MTRES1: variants seen among roughly 807,000 people sequenced by gnomAD.
MTRES1 encodes the protein mitochondrial transcription rescue factor 1.
A neutral mutation model predicts 17.4 loss-of-function variants in MTRES1; 11 were observed. The ratio of observed to expected loss-of-function variants is 0.63; its 90% CI spans 0.40 to 1.05. The LOEUF (loss-of-function observed/expected upper bound fraction) is 1.05. Among genes scored for constraint, MTRES1 ranks in the 50% least tolerant of loss-of-function variants. The pLI, the probability that MTRES1 is intolerant of heterozygous loss-of-function variation, is 0.00. For missense variants in MTRES1, 268 were observed against 276.2 expected (o/e 0.97, Z 0.21); for synonymous variants, 94 against 99.6 (o/e 0.94, Z 0.34).
chr6:107,050,714 T>A (rs548611516), intron 3 of MTRES1, among the ~76,000 whole-genome samples: 1 of 152,132 alleles, frequency 6.6e-6, no homozygotes, highest in East Asian at 1.9e-4. Context: ...GTATTTGGGA[T>A]CACAGGCACC....
At chr6:107,047,141 T>G (rs1198263056) in intron 3 of MTRES1, among the ~76,000 whole-genome samples, 1 of 152,158 alleles carries the variant, frequency 6.6e-6, no homozygotes, top group Admixed American at 6.6e-5. Flanking sequence ...GCCTTCTCTA[T>G]CCAGAGGCAG....
At chr6:107,034,829 A>T (rs1387198231) in intron 1 of MTRES1, among the ~76,000 whole-genome samples, 1 of 152,078 alleles carries the variant, frequency 6.6e-6, no homozygotes, top group African/African-American at 2.4e-5. Flanking sequence ...CTCTACTAAA[A>T]ATACAAAATT....
At chr6:107,041,327 T>TC (rs1774207815) in intron 2 of MTRES1, among the ~76,000 whole-genome samples, 1 of 151,040 alleles carries the variant, frequency 6.6e-6, no homozygotes, top group Non-Finnish European at 1.5e-5. Context: ...TTTCTGACCC[T>TC]CAGTTTTCTC....
Position 107,044,328 on chromosome 6 carries a change from G to A in MTRES1, c.539G>A (p.Arg180Lys). 2 of 1,611,884 alleles carry A rather than the reference G, an allele frequency of 1.2e-6. No individual in the cohort carries two copies. Among genetic ancestry groups the A allele is most frequent in the South Asian group, 1.1e-5 (1 of 91,028 alleles). ...LNEEKLWKKS[R>K]TVKVGDTLDL... Reference sequence around the variant, plus strand: ...GAGGAAAAATTATGGAAGAAAAGCAGAACGGTGAGATACTAACCTAAAATG... The same window carrying A: ...GAGGAAAAATTATGGAAGAAAAGCAAAACGGTGAGATACTAACCTAAAATG... The change falls in exon 3 of 4, where the codon AGA (arginine) becomes AAA (lysine). Residue 180 changes from arginine to lysine, a missense_variant. Coordinates refer to ENST00000311381, the MANE Select transcript of MTRES1 (RefSeq NM_016487.5).
In MTRES1 at chr6:107,042,062, C is replaced by T. The variant is rs553325175; in HGVS notation, c.470+1832C>T. 2.6e-5 allele frequency among the ~76,000 whole-genome samples: 4 copies of T among 151,750 alleles called. No individual in the cohort carries two copies. In the East Asian group the frequency reaches 5.9e-4, roughly 22 times the overall value. On this transcript the variant is annotated intron_variant, in intron 2 of 3. Transcript: ENST00000311381. ...AGCTTAAGAGATTCATAAAAAGGGCCGGGTGTGGTGGCTCACGCCTGTAGT... is the reference window on the plus strand; with the variant it reads ...AGCTTAAGAGATTCATAAAAAGGGCTGGGTGTGGTGGCTCACGCCTGTAGT...
chr6:107,039,653 A>G (rs2114954826), intron 1 of MTRES1, 96 bp from the exon 2 acceptor site: 1 of 1,297,696 alleles, frequency 7.7e-7, no homozygotes, highest in Admixed American at 2.7e-5. Flanking sequence ...TACGTATAGT[A>G]CTGTACATAA....
intron 1 of MTRES1, among the ~76,000 whole-genome samples, chr6:107,038,571 G>C (rs1774085127): frequency 6.6e-6 from 1 of 152,174 alleles, no homozygotes; most frequent in Non-Finnish European, 1.5e-5. Flanking sequence ...TGTAAAAGGA[G>C]TTAAAATGCA....
At chr6:107,034,748 G>GA (rs1292151086) in intron 1 of MTRES1, among the ~76,000 whole-genome samples, 1 of 152,146 alleles carries the variant, frequency 6.6e-6, no homozygotes, top group African/African-American at 2.4e-5. Flanking sequence ...AGCACTTTGG[G>GA]AGGCCAAGGT....
At chr6:107,037,267 A>T (rs1774043539) in intron 1 of MTRES1, among the ~76,000 whole-genome samples, 1 of 152,020 alleles carries the variant, frequency 6.6e-6, no homozygotes, top group Non-Finnish European at 1.5e-5. Flanking sequence ...ATGGGGTTTC[A>T]CCATGTTGGC....
chr6:107,028,880 C>T, intron 1 of MTRES1: 3 of 985,312 alleles, frequency 3.0e-6, no homozygotes, highest in Non-Finnish European at 3.6e-6. Context: ...CTCCACTCAT[C>T]CCACACCAAC....
chr6:107,047,380 C>G (rs371489671), intron 3 of MTRES1, among the ~76,000 whole-genome samples: 31 of 151,858 alleles, frequency 2.0e-4, no homozygotes, highest in African/African-American at 7.2e-4. Flanking sequence ...ACCACCACGT[C>G]TGGTTAATTT....
chr6:107,042,750 C>G (rs917104341), intron 2 of MTRES1, among the ~76,000 whole-genome samples: 1 of 152,164 alleles, frequency 6.6e-6, no homozygotes, highest in Non-Finnish European at 1.5e-5. Context: ...AGTGCCCACT[C>G]ACTTTGGCTG....
intron 2 of MTRES1, among the ~76,000 whole-genome samples, chr6:107,042,812 CAGGT>C (rs763581962): frequency 4.4e-4 from 67 of 152,194 alleles, no homozygotes; most frequent in Non-Finnish European, 8.1e-4. Context: ...CACTGGGAGT[CAGGT>C]GGAGTACCCC....
chr6:107,042,357 A>AG (rs1774249516), intron 2 of MTRES1, among the ~76,000 whole-genome samples: 2 of 146,700 alleles, frequency 1.4e-5, no homozygotes, highest in Admixed American at 1.3e-4. Context: ...AAAAAAAAAA[A>AG]GGTTCATAAA....
chr6:107,031,102 G>A (rs922369742), intron 1 of MTRES1, among the ~76,000 whole-genome samples: 56 of 152,220 alleles, frequency 3.7e-4, no homozygotes, highest in African/African-American at 1.3e-3. Flanking sequence ...AGGGAGGGCC[G>A]GGCACAGTGG....
intron 3 of MTRES1, among the ~76,000 whole-genome samples, chr6:107,046,613 A>G (rs1237656242): frequency 6.6e-6 from 1 of 152,162 alleles, no homozygotes; most frequent in Non-Finnish European, 1.5e-5. Flanking sequence ...GTGGAGGGGA[A>G]TAAAGAATGC....
intron 3 of MTRES1, among the ~76,000 whole-genome samples, 160 bp downstream of exon 3, chr6:107,044,492 A>G (rs1484167024): frequency 1.4e-5 from 2 of 146,652 alleles, no homozygotes; most frequent in Non-Finnish European, 3.0e-5. Flanking sequence ...TACAGGCTTC[A>G]GACACACAGG....
chr6:107,040,653 A>C (rs1372380835), intron 2 of MTRES1: 1 of 159,178 alleles, frequency 6.3e-6, no homozygotes, highest in Non-Finnish European at 1.4e-5. Context: ...GGCGGATCAC[A>C]AGGTCAGGAG....
At chr6:107,043,202 C>G (rs1474938438) in intron 2 of MTRES1, among the ~76,000 whole-genome samples, 1 of 152,004 alleles carries the variant, frequency 6.6e-6, no homozygotes, top group East Asian at 1.9e-4. Flanking sequence ...GGCGTGGTGG[C>G]GGGCGCCTGT....
Sources: gnomAD v4.1 joint callset for allele counts (sites outside exome capture counted in the v4.1 genomes callset) on GRCh38, gnomAD v4.1.1 for gene constraint, MANE v1.5 for transcripts, NCBI Gene and HGNC (gene_info 2026-07-23, HGNC 2026-07-21) for gene names.